The following ARSL variants were observed in gnomAD, a reference collection of about 807,000 sequenced individuals.
The protein encoded by ARSL is arylsulfatase L.
ARSL carries 4 observed loss-of-function variants against 31.1 expected under a neutral mutation model. The ratio of observed to expected loss-of-function variants is 0.13; its 90% CI spans 0.06 to 0.29. The LOEUF (loss-of-function observed/expected upper bound fraction) is 0.29, where lower values mean the gene tolerates loss of function less well. Among genes scored for constraint, ARSL ranks in the 10% least tolerant of loss-of-function variants. The probability of loss-of-function intolerance (pLI) is 1.00; values close to 1 mark genes in which losing one functional copy is unlikely to be tolerated. For missense variants in ARSL, 312 were observed against 497.8 expected, an observed-to-expected ratio of 0.63 and a Z score of 3.55; for synonymous variants, 198 against 209.9, an observed-to-expected ratio of 0.94 and a Z score of 0.49.
chrX:2,967,350 T>C (rs2089707239), upstream of ARSL, among the ~76,000 whole-genome samples: 1 of 112,322 alleles, frequency 8.9e-6, no homozygotes, highest in East Asian at 2.8e-4. Context: ...CTTTAACCCT[T>C]GGAATGTTAA....
intron 4 of ARSL, among the ~76,000 whole-genome samples, chrX:2,954,947 C>T: frequency 8.9e-6 from 1 of 112,020 alleles, no homozygotes; most frequent in Middle Eastern, 4.6e-3. Flanking sequence ...CTTTCATCTG[C>T]AGGGGCTGTC....
chrX:2,947,054 T>G (rs1273988233), intron 6 of ARSL, among the ~76,000 whole-genome samples: 2 of 110,374 alleles, frequency 1.8e-5, no homozygotes, highest in Non-Finnish European at 3.8e-5. Context: ...TGTGGTGACA[T>G]GCACCTGTAC....
At chrX:2,947,960 A>G (rs1175257769) in intron 6 of ARSL, among the ~76,000 whole-genome samples, 1 of 111,877 alleles carries the variant, frequency 8.9e-6, no homozygotes, top group Non-Finnish European at 1.9e-5. Flanking sequence ...CATCTCTATT[A>G]AAAATATAAA....
intron 1 of ARSL, among the ~76,000 whole-genome samples, chrX:2,963,915 G>T (rs1033613103): frequency 2.7e-5 from 3 of 110,678 alleles, no homozygotes; most frequent in African/African-American, 9.9e-5. Flanking sequence ...GGAGAAAAAC[G>T]TTAAATAAAT....
intron 4 of ARSL, among the ~76,000 whole-genome samples, chrX:2,954,698 G>A (rs1484811014): frequency 9.0e-6 from 1 of 111,670 alleles, no homozygotes; most frequent in Non-Finnish European, 1.9e-5. Context: ...ACTGTCATTG[G>A]AGAGATAGTT....
intron 7 of ARSL, among the ~76,000 whole-genome samples, chrX:2,945,318 C>T (rs1193715274): frequency 9.0e-6 from 1 of 111,658 alleles, no homozygotes; most frequent in Non-Finnish European, 1.9e-5. Context: ...AGGATCTGGG[C>T]AGCAGCAGGT....
chrX:2,967,459 C>T (rs929295410), upstream of ARSL, among the ~76,000 whole-genome samples: 1 of 111,115 alleles, frequency 9.0e-6, no homozygotes, highest in East Asian at 2.8e-4. Context: ...AGAGGCTGGG[C>T]GCGGTGGCTC....
Position 2,943,093 on chromosome X carries a change from C to T in ARSL, c.1098G>A (p.Gln366=), listed in dbSNP as rs1300042778. The T allele has an allele frequency of 3.3e-6, 4 of 1,209,126 alleles. No individual in the cohort carries two copies. The African/African-American group carries it at 5.3e-5, about 16-fold the overall frequency. Residue 366 remains glutamine, a synonymous_variant, in exon 8 of 11, where the codon CAG becomes CAA. Transcript: ENST00000381134. The stretch of plus-strand genomic sequence containing the variant: ...TATAAATTCCATTCCAGCCACCATA[C>T]TGGGTGTTTCCAAGTTGATTCTCTA... ...GSLENQLGNT[Q]YGGWNGIYKG... is the part of the protein sequence containing the mutation.
At chrX:2,963,861 G>A (rs753580731) in intron 1 of ARSL, among the ~76,000 whole-genome samples, 8 of 109,426 alleles carry the variant, frequency 7.3e-5, no homozygotes, top group Non-Finnish European at 1.3e-4. Flanking sequence ...TCTTTCTCCC[G>A]CAATGTTATG....
chrX:2,960,980 A>T (rs1256046631), intron 1 of ARSL, among the ~76,000 whole-genome samples: 1 of 110,023 alleles, frequency 9.1e-6, no homozygotes, highest in Admixed American at 9.7e-5. Context: ...GCACTTTGGG[A>T]GGCGGAAGTG....
chrX:2,955,348 T>C, intron 4 of ARSL, 68 bp downstream of exon 4: 3 of 1,184,443 alleles, frequency 2.5e-6, no homozygotes, highest in Non-Finnish European at 3.4e-6. Flanking sequence ...AAAACCAAAA[T>C]GTAAGAACTA....
chrX:2,960,111 T>C (rs1380705130), intron 2 of ARSL, among the ~76,000 whole-genome samples: 1 of 93,519 alleles, frequency 1.1e-5, no homozygotes, highest in Non-Finnish European at 2.2e-5. Flanking sequence ...CTACTAAAAA[T>C]ACAAAAAATT....
At chrX:2,965,543 A>C (rs1190040886), upstream of ARSL, among the ~76,000 whole-genome samples, 1 of 95,069 alleles carries the variant, frequency 1.1e-5, no homozygotes, top group African/African-American at 3.7e-5. Flanking sequence ...GATAAAAAGA[A>C]AAAAAATAAG....
Position 2,935,732 on chromosome X carries a change from C to T in ARSL, c.1412-542G>A, listed in dbSNP as rs188141116. On this transcript the variant is annotated intron_variant, in intron 10 of 10. Coordinates refer to ENST00000381134, the MANE Select transcript of ARSL (RefSeq NM_000047.3). ...TATTTGAGACAGAGTCTTGCTCTGT[C>T]GCCCAGGCTAGAGTGCAGTGGTGCA... Among the ~76,000 whole-genome samples the T allele has an allele frequency of 3.0e-3, 305 of 101,267 alleles. 2 individuals carry two copies. Among genetic ancestry groups the T allele is most frequent in the African/African-American group, 0.011 (291 of 27,535 alleles). 87.9% of individuals were successfully genotyped at this position (101,267 alleles called of 115,157 possible).
chrX:2,937,406 A>T (rs2089218181), intron 9 of ARSL, among the ~76,000 whole-genome samples: 1 of 109,883 alleles, frequency 9.1e-6, no homozygotes, highest in African/African-American at 3.3e-5. Flanking sequence ...AAAAAAAAAA[A>T]GAAGAAAAAA....
intron 10 of ARSL, among the ~76,000 whole-genome samples, chrX:2,935,947 C>A (rs1318906102): frequency 9.0e-6 from 1 of 110,894 alleles, no homozygotes; most frequent in Non-Finnish European, 1.9e-5. Flanking sequence ...CTCACACCTG[C>A]AATTTCAGCA....
chrX:2,936,706 T>C, intron 10 of ARSL, 36 bp downstream of exon 10: 1 of 1,208,621 alleles, frequency 8.3e-7, no homozygotes. Context: ...AGGGACTCTT[T>C]CCCTAAGGGT....
At chrX:2,955,944 G>A (rs1444523011) in intron 3 of ARSL, among the ~76,000 whole-genome samples, 2 of 112,619 alleles carry the variant, frequency 1.8e-5, no homozygotes, top group South Asian at 7.4e-4. Flanking sequence ...ACTGAGGAAG[G>A]AGGATTGCTT....
At position 2,945,686 on chromosome X, in the gene ARSL, A is replaced by G. The variant is rs61631496; in HGVS notation, c.991+312T>C. 6.6e-3 allele frequency among the ~76,000 whole-genome samples: 740 copies of G among 111,525 alleles called. 5 individuals are homozygous for G. The highest frequency in any genetic ancestry group is 0.023 in the African/African-American group (697 of 30,694). Reference sequence around the variant, plus strand: ...TATCTTTGGGGCCATTTTTATGTCTACCACATCAAGATTAGGACGTGGATG... The same window carrying G: ...TATCTTTGGGGCCATTTTTATGTCTGCCACATCAAGATTAGGACGTGGATG... On this transcript the variant is annotated intron_variant, in intron 7 of 10. Coordinates refer to ENST00000381134, the MANE Select transcript of ARSL (RefSeq NM_000047.3).
Sources: gnomAD v4.1 joint callset for allele counts (sites outside exome capture counted in the v4.1 genomes callset) on GRCh38, gnomAD v4.1.1 for gene constraint, MANE v1.5 for transcripts, NCBI Gene and HGNC (gene_info 2026-07-23, HGNC 2026-07-21) for gene names.